NOL8: variants seen among roughly 807,000 people sequenced by gnomAD.
NOL8 encodes the protein nucleolar protein Nop132.
NOL8 carries 93 observed loss-of-function variants against 116.1 expected under a neutral mutation model. The ratio of observed to expected loss-of-function variants is 0.80; its 90% CI spans 0.68 to 0.95. NOL8 has a LOEUF of 0.95. Ranked by LOEUF, NOL8 falls within the 40% of genes least tolerant of loss-of-function variation. The probability of loss-of-function intolerance (pLI) is 0.00; values close to 1 mark genes in which losing one functional copy is unlikely to be tolerated. For missense variants in NOL8, 1,291 were observed against 1,382.8 expected, an observed-to-expected ratio of 0.93 and a Z score of 1.05; for synonymous variants, 419 against 469.0, an observed-to-expected ratio of 0.89 and a Z score of 1.38.
intron 8 of NOL8, 175 bp downstream of exon 8, chr9:92,310,971 A>G (rs1838725447): frequency 3.3e-6 from 2 of 601,114 alleles, no homozygotes; most frequent in African/African-American, 3.7e-5. Flanking sequence ...TGTGGAGAAT[A>G]TAGGTTCATA....
Position 92,319,376 on chromosome 9 carries a change from C to T in NOL8, c.282-20G>A, listed in dbSNP as rs769249614. 4 of 1,518,822 alleles carry T rather than the reference C, an allele frequency of 2.6e-6. No homozygotes were observed. The highest frequency in any genetic ancestry group is 4.8e-5 in the Admixed American group (2 of 41,374). The allele number at this position is 1,518,822 out of a possible 1,614,324, so 94.1% of individuals were successfully genotyped here. A position where few individuals can be genotyped will look rare whatever the true frequency, so the allele number is the denominator to read the frequency against. On this transcript the variant is annotated intron_variant, in intron 4 of 16. Coordinates refer to ENST00000442668, the MANE Select transcript of NOL8 (RefSeq NM_017948.6). Reference sequence around the variant, plus strand: ...GCCAATCTGAATCAAAAAGAAAATACAAATAAAAGAGTCAAAATAATCAGC... The same window carrying T: ...GCCAATCTGAATCAAAAAGAAAATATAAATAAAAGAGTCAAAATAATCAGC...
In NOL8 at chr9:92,299,944, C is replaced by T; in HGVS notation, c.3248G>A (p.Ser1083Asn). 1 of 1,613,596 alleles carries T rather than the reference C, an allele frequency of 6.2e-7. No individual in the cohort carries two copies. Among genetic ancestry groups the T allele is most frequent in the Middle Eastern group, 1.7e-4 (1 of 6,058 alleles). ...WQEDPRLQDS[S>N]SEEEDVTEET... ...TTCAGTAACATCTTCCTCTTCTGAA[C>T]TGCTGTCTTGTAAACGAGGGTCTTC... Residue 1083 changes from serine to asparagine, a missense_variant, in exon 14 of 17, where the codon AGT (serine) becomes AAT (asparagine). By Grantham distance (46) the Ser-to-Asn change is conservative (BLOSUM62 1). Transcript: ENST00000442668.
Position 92,315,396 on chromosome 9 carries a change from G to C in NOL8, c.1229C>G (p.Thr410Ser). Residue 410 changes from threonine (T) to serine (S), a missense_variant, in exon 7 of 17, where the codon ACT (threonine) becomes AGT (serine). By Grantham distance (58) the Thr-to-Ser change is moderately conservative. Coordinates refer to ENST00000442668, the MANE Select transcript of NOL8 (RefSeq NM_017948.6). ...ACAGTTTTCTCTATTTTTGAAAGAA[G>C]TTTTCTTCGTAGATTTTTCCATTTG... ...FSQMEKSTKK[T>S]SFKNRENCEL... The C allele has an allele frequency of 6.3e-7, 1 of 1,594,252 alleles. No individual in the cohort carries two copies. The highest frequency in any genetic ancestry group is 8.6e-7 in the Non-Finnish European group (1 of 1,168,862).
intron 8 of NOL8, 172 bp from the exon 9 acceptor site, chr9:92,310,847 T>C (rs1838713434): frequency 6.0e-6 from 4 of 665,510 alleles, no homozygotes; most frequent in Middle Eastern, 2.5e-4. Context: ...AACTGGCCTC[T>C]GGGATCACTA....
intron 13 of NOL8, 70 bp from the exon 14 acceptor site, chr9:92,300,086 T>C (rs1237205133): frequency 1.3e-6 from 2 of 1,538,668 alleles, no homozygotes; most frequent in African/African-American, 2.7e-5. Flanking sequence ...AACACATTCA[T>C]TTGATTACTT....
chr9:92,312,659 T>C (rs1174518802), intron 7 of NOL8, among the ~76,000 whole-genome samples: 2 of 149,796 alleles, frequency 1.3e-5, no homozygotes, highest in Non-Finnish European at 1.5e-5. Flanking sequence ...AAACCCCATC[T>C]CTACCACAAA....
At chr9:92,317,904 A>G (rs1413300278) in intron 6 of NOL8, among the ~76,000 whole-genome samples, 1 of 151,628 alleles carries the variant, frequency 6.6e-6, no homozygotes, top group Admixed American at 6.6e-5. Flanking sequence ...GTGTGGTGGC[A>G]CACACCTGTA....
intron 3 of NOL8, among the ~76,000 whole-genome samples, chr9:92,322,147 G>C (rs1839979394): frequency 6.6e-6 from 1 of 152,132 alleles, no homozygotes. Context: ...CTTTTCAGGT[G>C]AATCAGAGGA....
At chr9:92,307,855 G>A (rs1366017774) in intron 10 of NOL8, among the ~76,000 whole-genome samples, 1 of 152,184 alleles carries the variant, frequency 6.6e-6, no homozygotes, top group Non-Finnish European at 1.5e-5. Context: ...CCTAGAGGTG[G>A]TAGGAAAGCA....
chr9:92,323,572 C>T (rs541056117), intron 2 of NOL8, 69 bp from the exon 3 acceptor site: 79 of 1,284,652 alleles, frequency 6.1e-5, no homozygotes, highest in Middle Eastern at 5.4e-4. Flanking sequence ...AATGTAAAAA[C>T]GGTTGTTTCT....
At chr9:92,304,531 T>C (rs1176838017) in intron 12 of NOL8, among the ~76,000 whole-genome samples, 6 of 152,084 alleles carry the variant, frequency 3.9e-5, no homozygotes, top group Non-Finnish European at 7.4e-5. Flanking sequence ...TTCTTAGGGG[T>C]ATAGGGAGGG....
chr9:92,301,692 C>G lies in NOL8; in HGVS notation c.3034G>C (p.Glu1012Gln), dbSNP rs1259087293. 1.2e-6 allele frequency: 2 copies of G among 1,607,628 alleles called. No homozygotes were observed. Among genetic ancestry groups the G allele is most frequent in the Non-Finnish European group, 1.7e-6 (2 of 1,178,236 alleles). Reference sequence around the variant, plus strand: ...CAGTCCTCATTCCAGGGTGTGCCCTCTTCCTTTTCACTGGTATATTTTGTA... The same window carrying G: ...CAGTCCTCATTCCAGGGTGTGCCCTGTTCCTTTTCACTGGTATATTTTGTA... ...QTTKYTSEKE[E>Q]GTPWNEDCGK... Residue 1012 changes from glutamate (E) to glutamine (Q), a missense_variant, in exon 13 of 17, where the codon GAG becomes CAG. Physicochemically the swap from Glu to Gln is conservative, Grantham distance 29. Coordinates refer to ENST00000442668, the MANE Select transcript of NOL8 (RefSeq NM_017948.6).
At chr9:92,317,067 C>T (rs901358762) in intron 6 of NOL8, among the ~76,000 whole-genome samples, 6 of 152,208 alleles carry the variant, frequency 3.9e-5, no homozygotes, top group Admixed American at 2.0e-4. Context: ...ATCCTCCCAA[C>T]TCAGCCTCCC....
rs1840092963 is a variant in NOL8 at position 92,323,441 on chromosome 9, A to AT, written c.201dup (p.Cys68MetfsTer7). 7 of 1,602,190 alleles carry AT rather than the reference A, an allele frequency of 4.4e-6. No homozygotes were observed. The South Asian group carries it at 6.7e-5, about 15-fold the overall frequency. On this transcript the variant is annotated frameshift_variant and splice_region_variant, in exon 3 of 17. Transcript: ENST00000442668. LOFTEE classifies it high-confidence loss of function. ...TATAGAAAATATATGATGATCTTAC[A>AT]TTTTTTCAGGTCCGCTTCTGCTACA...
Position 92,301,639 on chromosome 9 carries a change from C to T in NOL8, c.3087G>A (p.Gln1029=). 3 of 1,602,378 alleles carry T rather than the reference C, an allele frequency of 1.9e-6. No homozygotes were observed. Among genetic ancestry groups the T allele is most frequent in the Non-Finnish European group, 2.5e-6 (3 of 1,176,914 alleles). The stretch of plus-strand genomic sequence containing the variant: ...CGTCACTGGTCAGAGCTGCAGGGTC[C>T]TGGATTTCCTCAGGTTTCTCTTTAC... ...DCGKEKPEEI[Q]DPAALTSDAE... is the part of the protein sequence containing the mutation. The change falls in exon 13 of 17, where the codon CAG becomes CAA. Residue 1029 remains glutamine, a synonymous_variant. Transcript: ENST00000442668.
At chr9:92,306,176 T>C (rs773453380) in intron 11 of NOL8, among the ~76,000 whole-genome samples, 13 of 152,122 alleles carry the variant, frequency 8.5e-5, no homozygotes, top group African/African-American at 3.1e-4. Context: ...ATATTTTTAG[T>C]AGAGACGGGG....
chr9:92,308,447 G>A (rs1838476056), intron 10 of NOL8, among the ~76,000 whole-genome samples: 1 of 152,176 alleles, frequency 6.6e-6, no homozygotes, highest in African/African-American at 2.4e-5. Flanking sequence ...AACGCAGAAA[G>A]GTTAAGAAGA....
intron 7 of NOL8, among the ~76,000 whole-genome samples, chr9:92,313,870 A>G (rs1396574816): frequency 6.6e-6 from 1 of 152,210 alleles, no homozygotes; most frequent in East Asian, 1.9e-4. Flanking sequence ...ACCATGAGCC[A>G]AAAACTGTAT....
Position 92,315,374 on chromosome 9 carries a change from G to A in NOL8, c.1251C>T (p.Asn417=), listed in dbSNP as rs1333965925. The change falls in exon 7 of 17, where the codon AAC becomes AAT. Residue 417 remains asparagine (N), a synonymous_variant. Transcript: ENST00000442668. The stretch of plus-strand genomic sequence containing the variant: ...TAATACAGTGATCAGAAAGCTCACA[G>A]TTTTCTCTATTTTTGAAAGAAGTTT... The part of the protein sequence containing the change: ...TKKTSFKNRE[N]CELSDHCIKL... 1 of 1,605,426 alleles carries A rather than the reference G, an allele frequency of 6.2e-7. No individual in the cohort carries two copies. Among genetic ancestry groups the A allele is most frequent in the Admixed American group, 1.7e-5 (1 of 58,732 alleles).
Sources: gnomAD v4.1 joint callset for allele counts (sites outside exome capture counted in the v4.1 genomes callset) on GRCh38, gnomAD v4.1.1 for gene constraint, MANE v1.5 for transcripts, NCBI Gene and HGNC (gene_info 2026-07-23, HGNC 2026-07-21) for gene names.